SLC13A3: variants seen among roughly 807,000 people sequenced by gnomAD.
SLC13A3 encodes solute carrier family 13 member 3.
Under a neutral mutation model 59.0 loss-of-function variants are expected in SLC13A3, and 40 were observed. The ratio of observed to expected loss-of-function variants is 0.68; its 90% CI spans 0.53 to 0.88. The LOEUF (loss-of-function observed/expected upper bound fraction) is 0.88, where lower values mean the gene tolerates loss of function less well. Among genes scored for constraint, SLC13A3 ranks in the 40% least tolerant of loss-of-function variants. SLC13A3 has a pLI of 0.00. For synonymous variants in SLC13A3, 317 were observed against 330.3 expected (o/e 0.96, Z 0.44); for missense variants, 699 against 783.2 (o/e 0.89, Z 1.28).
chr20:46,650,912 T>A (rs1418921879), intron 1 of SLC13A3, among the ~76,000 whole-genome samples: 1 of 151,766 alleles, frequency 6.6e-6, no homozygotes, highest in Non-Finnish European at 1.5e-5. Flanking sequence ...TAAAAAAAAA[T>A]TAGCTGGGCA....
At chr20:46,614,862 TTAAATC>T (rs1367385850) in intron 1 of SLC13A3, among the ~76,000 whole-genome samples, 2 of 152,126 alleles carry the variant, frequency 1.3e-5, no homozygotes, top group Non-Finnish European at 2.9e-5. Context: ...ACAAAGTAAT[TTAAATC>T]TAATCAGTGG....
At chr20:46,580,023 T>C (rs2062119511) in intron 9 of SLC13A3, among the ~76,000 whole-genome samples, 1 of 152,112 alleles carries the variant, frequency 6.6e-6, no homozygotes, top group African/African-American at 2.4e-5. Flanking sequence ...TGGAGTGCAG[T>C]GGCGTGATCT....
rs1261070883 is a variant in SLC13A3, at chr20:46,613,616, C to A, written c.221G>T (p.Gly74Val). 1 of 1,612,350 alleles carries A rather than the reference C, an allele frequency of 6.2e-7. No individual in the cohort carries two copies. The highest frequency in any genetic ancestry group is 2.2e-5 in the East Asian group (1 of 44,826). The change falls in exon 2 of 13, where the codon GGC (glycine) becomes GTC (valine). Residue 74 changes from glycine to valine, a missense_variant. Physicochemically the swap from Gly to Val is moderately radical, Grantham distance 109 (BLOSUM62 -3). Coordinates refer to ENST00000279027, the MANE Select transcript of SLC13A3 (RefSeq NM_022829.6). ...LLPIVLFPFM[G>V]ILPSNKVCPQ... ...GCAGACCTTGTTGGAGGGCAAGATG[C>A]CCATGAAGGGGAAGAGGACGATGGG...
chr20:46,659,930 C>T (rs2122909606), intron 1 of SLC13A3, among the ~76,000 whole-genome samples: 1 of 152,222 alleles, frequency 6.6e-6, no homozygotes, highest in East Asian at 1.9e-4. Context: ...TGTGAGCCAG[C>T]TGTAGAACTG....
At chr20:46,641,018 G>A (rs2062841686) in intron 1 of SLC13A3, among the ~76,000 whole-genome samples, 1 of 152,172 alleles carries the variant, frequency 6.6e-6, no homozygotes, top group African/African-American at 2.4e-5. Flanking sequence ...GTGCCCACTT[G>A]AGGGATGGGG....
intron 3 of SLC13A3, among the ~76,000 whole-genome samples, chr20:46,605,530 T>G (rs2062429881): frequency 6.6e-6 from 1 of 152,188 alleles, no homozygotes; most frequent in South Asian, 2.1e-4. Flanking sequence ...ACTTTCACAT[T>G]TATAATCTTA....
chr20:46,680,581 C>G (rs2063149390), intron 1 of SLC13A3, among the ~76,000 whole-genome samples: 1 of 152,236 alleles, frequency 6.6e-6, no homozygotes, highest in African/African-American at 2.4e-5. Flanking sequence ...GAGCTCGTGT[C>G]CCTTCCAGGC....
chr20:46,683,159 T>G (rs1448487879), intron 1 of SLC13A3, among the ~76,000 whole-genome samples: 1 of 152,136 alleles, frequency 6.6e-6, no homozygotes, highest in African/African-American at 2.4e-5. Context: ...ATACCGGAGA[T>G]AGAAATTATT....
At chr20:46,619,973 T>C (rs2062598522) in intron 1 of SLC13A3, among the ~76,000 whole-genome samples, 2 of 152,204 alleles carry the variant, frequency 1.3e-5, no homozygotes, top group Admixed American at 6.5e-5. Context: ...GTCCCTGTGA[T>C]TCAAGTTTCT....
At chr20:46,608,931 C>G in intron 3 of SLC13A3, 1 of 1,550,920 alleles carries the variant, frequency 6.4e-7, no homozygotes, top group Non-Finnish European at 8.7e-7. Flanking sequence ...GGACAGAACC[C>G]GGAAGTTGCA....
Position 46,596,988 on chromosome 20 carries a change from G to A in SLC13A3, c.609-646C>T, listed in dbSNP as rs145296702. On this transcript the variant is annotated intron_variant, in intron 4 of 12. Transcript: ENST00000279027. ...GGGTTGATTGAGCCCAAAAGTTTGA[G>A]GCTGTAGTGAACTTTGATTGCCCCA... 5.1e-3 allele frequency among the ~76,000 whole-genome samples: 782 copies of A among 152,258 alleles called. 11 individuals are homozygous for A. Among genetic ancestry groups the A allele is most frequent in the African/African-American group, 0.018 (738 of 41,538 alleles).
chr20:46,659,910 T>C (rs953578226), intron 1 of SLC13A3, among the ~76,000 whole-genome samples: 1 of 152,158 alleles, frequency 6.6e-6, no homozygotes, highest in African/African-American at 2.4e-5. Flanking sequence ...TGTTACTCTT[T>C]CAGAAAATTT....
At chr20:46,643,969 C>T (rs183551273) in intron 1 of SLC13A3, among the ~76,000 whole-genome samples, 1 of 152,104 alleles carries the variant, frequency 6.6e-6, no homozygotes, top group Non-Finnish European at 1.5e-5. Flanking sequence ...GCCCAGGAGG[C>T]AGAAGTTGTA....
chr20:46,561,476 C>A (rs180852143), intron 12 of SLC13A3, among the ~76,000 whole-genome samples: 5 of 152,166 alleles, frequency 3.3e-5, no homozygotes, highest in Admixed American at 1.3e-4. Flanking sequence ...GCCCTTTTAA[C>A]AAGGAGAGGC....
intron 1 of SLC13A3, among the ~76,000 whole-genome samples, chr20:46,648,153 T>C (rs572387115): frequency 1.4e-4 from 22 of 152,208 alleles, no homozygotes; most frequent in Non-Finnish European, 2.6e-4. Flanking sequence ...TGAAGCTCCA[T>C]GTGCATAACA....
At chr20:46,566,952 C>G (rs529576938) in intron 10 of SLC13A3, among the ~76,000 whole-genome samples, 82 of 151,894 alleles carry the variant, frequency 5.4e-4, no homozygotes, top group Middle Eastern at 3.4e-3. Context: ...GCCTGTAATC[C>G]CAGCACTTTG....
Position 46,588,153 on chromosome 20 carries a change from G to C in SLC13A3, c.1027C>G (p.Gln343Glu), listed in dbSNP as rs1231752107. The C allele has an allele frequency of 6.2e-7, 1 of 1,609,472 alleles. No homozygotes were observed. The highest frequency in any genetic ancestry group is 8.5e-7 in the Non-Finnish European group (1 of 1,177,090). ...ATGCAGAAAAGGATGAAAACAGCCT[G>C]TTCGGCAAACCTGTGGCACAGACAT... The part of the protein sequence containing the change: ...QNLGPIKFAE[Q>E]AVFILFCMFA... Residue 343 changes from glutamine to glutamate, a missense_variant, in exon 8 of 13, where the codon CAG (glutamine) becomes GAG (glutamate). Physicochemically the swap from Gln to Glu is conservative, Grantham distance 29. Coordinates refer to ENST00000279027, the MANE Select transcript of SLC13A3 (RefSeq NM_022829.6).
chr20:46,581,576 G>C (rs1365618193), intron 9 of SLC13A3, among the ~76,000 whole-genome samples: 1 of 152,162 alleles, frequency 6.6e-6, no homozygotes, highest in Non-Finnish European at 1.5e-5. Flanking sequence ...GGACACAAAG[G>C]CTCCAGGGAA....
At chr20:46,598,041 G>GA (rs1289201861) in intron 4 of SLC13A3, among the ~76,000 whole-genome samples, 2 of 151,704 alleles carry the variant, frequency 1.3e-5, no homozygotes, top group East Asian at 1.9e-4. Flanking sequence ...CAATGAATCT[G>GA]AAAAAAAGAT....
Sources: gnomAD v4.1 joint callset for allele counts (sites outside exome capture counted in the v4.1 genomes callset) on GRCh38, gnomAD v4.1.1 for gene constraint, MANE v1.5 for transcripts, NCBI Gene and HGNC (gene_info 2026-07-23, HGNC 2026-07-21) for gene names.